The following KSR1 variants were observed in gnomAD, a reference collection of about 807,000 sequenced individuals.
KSR1 encodes the protein kinase suppressor of ras.
Under a neutral mutation model 92.9 loss-of-function variants are expected in KSR1, and 35 were observed. The ratio of observed to expected loss-of-function variants is 0.38; its 90% CI spans 0.29 to 0.50. KSR1 has a LOEUF of 0.50. Among genes scored for constraint, KSR1 ranks in the 20% least tolerant of loss-of-function variants. KSR1 has a pLI of 0.94. For missense variants in KSR1, 972 were observed against 1,158.5 expected, an observed-to-expected ratio of 0.84 and a Z score of 2.34; for synonymous variants, 467 against 472.6, an observed-to-expected ratio of 0.99 and a Z score of 0.15.
intron 20 of KSR1, chr17:27,622,845 AT>A (rs1339551411): frequency 5.1e-6 from 1 of 194,682 alleles, no homozygotes; most frequent in African/African-American, 2.4e-5. Context: ...CTGAACCCAG[AT>A]CTCTGGAATG....
In KSR1 at chr17:27,605,746, C is replaced by T; in HGVS notation, c.1927C>T (p.Arg643Trp). ...AGAGGTGATGAACTACCGGCAGACG[C>T]GGCATGAGAACGTGGTGCTCTTCAT... Reference protein sequence around the residue: ...KKEVMNYRQTRHENVVLFMGA... With the variant: ...KKEVMNYRQTWHENVVLFMGA... Residue 643 changes from arginine (R) to tryptophan (W), a missense_variant, in exon 14 of 21, where the codon CGG becomes TGG. Transcript: ENST00000644974. The T allele has an allele frequency of 6.2e-7, 1 of 1,612,752 alleles. No individual in the cohort carries two copies. The highest frequency in any genetic ancestry group is 8.5e-7 in the Non-Finnish European group (1 of 1,179,830).
At chr17:27,595,580 C>T (rs1349432826) in intron 9 of KSR1, among the ~76,000 whole-genome samples, 2 of 152,128 alleles carry the variant, frequency 1.3e-5, no homozygotes, top group African/African-American at 4.8e-5. Flanking sequence ...TCTTTTTGGC[C>T]ACAGGGAGAA....
intron 2 of KSR1, chr17:27,560,203 A>T (rs1397906397): frequency 3.0e-6 from 1 of 332,798 alleles, no homozygotes; most frequent in African/African-American, 2.2e-5. Context: ...AGTTACGTCT[A>T]AAAGTCTCAG....
chr17:27,577,379 G>A lies in KSR1; in HGVS notation c.373-113G>A, dbSNP rs868584274. On this transcript the variant is annotated intron_variant, in intron 2 of 20. Transcript: ENST00000644974. The surrounding 1 kb of genome is among the most constrained non-coding windows in gnomAD (Gnocchi z 4.5). Reference sequence around the variant, plus strand: ...CACGTGGTGGCTCTGGTCAGAGGCCGGCCCAGCCAGCAGCTGGCCCCTGCC... The same window carrying A: ...CACGTGGTGGCTCTGGTCAGAGGCCAGCCCAGCCAGCAGCTGGCCCCTGCC... The A allele has an allele frequency of 2.9e-5, 19 of 659,932 alleles. No homozygotes were observed. The highest frequency in any genetic ancestry group is 5.5e-5 in the African/African-American group (3 of 54,770). The allele number at this position is 659,932 out of a possible 1,614,324, so 40.9% of individuals were successfully genotyped here.
rs1397747051 is a variant in KSR1 at position 27,559,904 on chromosome 17, G to T, written c.372+9196G>T. Among the ~76,000 whole-genome samples the T allele has an allele frequency of 6.6e-6, 1 of 152,224 alleles. No individual in the cohort carries two copies. Among genetic ancestry groups the T allele is most frequent in the Non-Finnish European group, 1.5e-5 (1 of 68,032 alleles). Reference sequence around the variant, plus strand: ...AGCTCTCCCTGTGTGCAGTGTAGGGGTTGGGGCTCCTCTTAGGGGATATTG... The same window carrying T: ...AGCTCTCCCTGTGTGCAGTGTAGGGTTTGGGGCTCCTCTTAGGGGATATTG... On this transcript the variant is annotated intron_variant, in intron 2 of 20. Transcript: ENST00000644974. This position sits in a 1 kb window ranked among gnomAD's most constrained non-coding sequence, Gnocchi z 4.2.
At chr17:27,474,081 C>G (rs1274297771) in intron 1 of KSR1, among the ~76,000 whole-genome samples, 1 of 152,204 alleles carries the variant, frequency 6.6e-6, no homozygotes, top group African/African-American at 2.4e-5. Context: ...CTCCTAGACC[C>G]CTAAACCAGA....
In KSR1 at chr17:27,471,467, G is replaced by A. The variant is rs146512058; in HGVS notation, c.231+14593G>A. Among the ~76,000 whole-genome samples the A allele has an allele frequency of 7.6e-3, 1,158 of 152,248 alleles. 15 individuals carry two copies. Among genetic ancestry groups the A allele is most frequent in the Non-Finnish European group, 0.012 (786 of 68,020 alleles). On this transcript the variant is annotated intron_variant, in intron 1 of 20. Coordinates refer to ENST00000644974, the MANE Select transcript of KSR1 (RefSeq NM_001394583.1). ...GAAGGCCACTGTAGCCTGGAGGAGTGTTCCCGGCAGAGGGACTGGCTTGTG... is the reference window on the plus strand; with the variant it reads ...GAAGGCCACTGTAGCCTGGAGGAGTATTCCCGGCAGAGGGACTGGCTTGTG...
At chr17:27,550,361 G>A (rs2071351142) in intron 1 of KSR1, among the ~76,000 whole-genome samples, 1 of 152,184 alleles carries the variant, frequency 6.6e-6, no homozygotes, top group African/African-American at 2.4e-5. Context: ...GTAGGGCAGG[G>A]GGCTCATGGG....
chr17:27,555,063 C>G (rs1348767437), intron 2 of KSR1, among the ~76,000 whole-genome samples: 1 of 152,200 alleles, frequency 6.6e-6, no homozygotes, highest in Non-Finnish European at 1.5e-5. Context: ...TGTCCTCTCT[C>G]TTTTCTGGGA....
At chr17:27,463,617 C>T (rs778899435) in intron 1 of KSR1, among the ~76,000 whole-genome samples, 2 of 152,060 alleles carry the variant, frequency 1.3e-5, no homozygotes, top group Admixed American at 6.6e-5. Context: ...TTTGTGGTTA[C>T]CTGCAGCAAA....
chr17:27,568,331 C>T (rs1439872794), intron 2 of KSR1, among the ~76,000 whole-genome samples: 1 of 152,224 alleles, frequency 6.6e-6, no homozygotes, highest in Non-Finnish European at 1.5e-5. Context: ...ACCTCACGTG[C>T]TAAACACTGG....
chr17:27,560,304 G>A, intron 2 of KSR1: 1 of 385,276 alleles, frequency 2.6e-6, no homozygotes, highest in Non-Finnish European at 5.1e-6. Flanking sequence ...CCGGTTGGAA[G>A]TTGTTGAAAG....
intron 2 of KSR1, among the ~76,000 whole-genome samples, chr17:27,551,607 C>A (rs193261407): frequency 1.3e-5 from 2 of 151,012 alleles, no homozygotes; most frequent in East Asian, 3.9e-4. Context: ...TTAAAAATTT[C>A]TATCTGGACT....
chr17:27,534,873 A>G (rs2070699851), intron 1 of KSR1, among the ~76,000 whole-genome samples: 1 of 152,136 alleles, frequency 6.6e-6, no homozygotes. Flanking sequence ...TCTGATTTTT[A>G]TGTCCCCTAC....
Position 27,525,847 on chromosome 17 carries a change from A to T in KSR1, c.232-24721A>T, listed in dbSNP as rs147573286. ...AGATTTGCCCTTCAGACATTTGTGT[A>T]AATCTTCTCCCTAAACATCAAACTG... On this transcript the variant is annotated intron_variant, in intron 1 of 20. Coordinates refer to ENST00000644974, the MANE Select transcript of KSR1 (RefSeq NM_001394583.1). 1.6e-3 allele frequency among the ~76,000 whole-genome samples: 249 copies of T among 152,350 alleles called. 1 individual carries two copies. The highest frequency in any genetic ancestry group is 0.015 in the South Asian group (74 of 4,828).
At chr17:27,481,854 A>G (rs1175549025) in intron 1 of KSR1, among the ~76,000 whole-genome samples, 2 of 152,130 alleles carry the variant, frequency 1.3e-5, no homozygotes, top group East Asian at 3.8e-4. Flanking sequence ...TGTCCATTAT[A>G]CCAGAACTGT....
intron 1 of KSR1, among the ~76,000 whole-genome samples, chr17:27,470,852 T>C (rs556272810): frequency 6.7e-6 from 1 of 149,628 alleles, no homozygotes; most frequent in African/African-American, 2.5e-5. Flanking sequence ...TTCTCTCTTC[T>C]GTGCATTCAT....
chr17:27,501,292 C>CTT, intron 1 of KSR1, among the ~76,000 whole-genome samples: 839 of 49,662 alleles, frequency 0.017, 24 homozygotes, highest in South Asian at 0.027. Context: ...TTCTTTTCTT[C>CTT]TTTTTTTTTT....
In KSR1 at chr17:27,626,194, A is replaced by G. The variant is rs2074336579; in HGVS notation, c.*2802A>G. 6.6e-6 allele frequency: 1 copy of G among 152,346 alleles called. No individual in the cohort carries two copies. Among genetic ancestry groups the G allele is most frequent in the Admixed American group, 6.5e-5 (1 of 15,310 alleles). The allele number at this position is 152,346 out of a possible 1,614,324, so 9.4% of individuals were successfully genotyped here. A position where few individuals can be genotyped will look rare whatever the true frequency, so the allele number is the denominator to read the frequency against. Reference sequence around the variant, plus strand: ...GATCTCATCAGCGTGCAAACCTAGCATCTTCTGTGGCCACAAGCCACACAC... The same window carrying G: ...GATCTCATCAGCGTGCAAACCTAGCGTCTTCTGTGGCCACAAGCCACACAC... On this transcript the variant is annotated 3_prime_UTR_variant, in exon 21 of 21. Coordinates refer to ENST00000644974, the MANE Select transcript of KSR1 (RefSeq NM_001394583.1).
Sources: gnomAD v4.1 joint callset for allele counts (sites outside exome capture counted in the v4.1 genomes callset) on GRCh38, gnomAD v4.1.1 for gene constraint, Gnocchi (gnomAD v3.1) non-coding constraint, MANE v1.5 for transcripts, NCBI Gene and HGNC (gene_info 2026-07-23, HGNC 2026-07-21) for gene names.